CELF2: variants seen among roughly 807,000 people sequenced by gnomAD.
The protein encoded by CELF2 is CUG triplet repeat RNA-binding protein 2.
In CELF2, 8 loss-of-function variants were observed where a neutral mutation model predicts 62.6. That is an observed-to-expected ratio of 0.13 (90% CI 0.07 to 0.23). The LOEUF is 0.23. Among genes scored for constraint, CELF2 ranks in the 10% least tolerant of loss-of-function variants. The pLI, the probability that CELF2 is intolerant of heterozygous loss-of-function variation, is 1.00. For synonymous variants in CELF2, 258 were observed against 250.0 expected (o/e 1.03, Z -0.30); for missense variants, 333 against 671.0 (o/e 0.50, Z 5.56).
the CELF2 span, among the ~76,000 whole-genome samples, chr10:10,761,790 C>T: frequency 6.6e-6 from 1 of 152,126 alleles, no homozygotes; most frequent in African/African-American, 2.4e-5. Context: ...GGTTTTCAAG[C>T]CTTCAGACTT....
intron 2 of CELF2, among the ~76,000 whole-genome samples, chr10:11,168,471 C>A (rs1017393666): frequency 1.3e-5 from 2 of 152,198 alleles, no homozygotes; most frequent in African/African-American, 4.8e-5. Context: ...ATGTTGATAC[C>A]TATGCATGCC....
the CELF2 span, among the ~76,000 whole-genome samples, chr10:10,679,282 TTTC>T: frequency 2.0e-4 from 30 of 152,188 alleles, no homozygotes; most frequent in African/African-American, 7.0e-4. Context: ...ATGGTAATCT[TTTC>T]TTATGTTTTG....
chr10:10,923,975 G>T (rs1473917289), intron 2 of CELF2: 1 of 151,970 alleles, frequency 6.6e-6, no homozygotes, highest in African/African-American at 2.4e-5. Flanking sequence ...TAGGATGAAG[G>T]GTGTTGCGTT....
chr10:10,996,042 AG>A (rs2053913976), intron 2 of CELF2, among the ~76,000 whole-genome samples: 1 of 152,240 alleles, frequency 6.6e-6, no homozygotes, highest in Non-Finnish European at 1.5e-5. Context: ...TTACTAAAAA[AG>A]TTTAAAGTAT....
upstream of CELF2, among the ~76,000 whole-genome samples, chr10:11,002,821 A>C (rs902268728): frequency 1.3e-5 from 2 of 151,982 alleles, no homozygotes; most frequent in Non-Finnish European, 2.9e-5. The surrounding 1 kb of genome is among the most constrained non-coding windows in gnomAD (Gnocchi z 4.4). Context: ...TTTTTTTTTC[A>C]CATAGTTGTT....
intron 2 of CELF2, among the ~76,000 whole-genome samples, chr10:10,967,389 C>G (rs1207787353): frequency 1.3e-5 from 2 of 152,176 alleles, no homozygotes; most frequent in African/African-American, 2.4e-5. Context: ...CTAGGCTTGA[C>G]TGAACACTTT....
At chr10:11,298,449 A>C (rs2140057335) in intron 9 of CELF2, among the ~76,000 whole-genome samples, 1 of 152,362 alleles carries the variant, frequency 6.6e-6, no homozygotes, top group Non-Finnish European at 1.5e-5. Context: ...CTTATATCAC[A>C]TATGGGCCAA....
At chr10:10,984,410 A>G (rs2052504449) in intron 2 of CELF2, among the ~76,000 whole-genome samples, 1 of 152,246 alleles carries the variant, frequency 6.6e-6, no homozygotes, top group Admixed American at 6.5e-5. Flanking sequence ...ATCTACAGTT[A>G]CTAGCTAGAT....
chr10:10,525,072 G>A, the CELF2 span, among the ~76,000 whole-genome samples: 33 of 152,140 alleles, frequency 2.2e-4, no homozygotes, highest in Non-Finnish European at 1.3e-4. Flanking sequence ...ATTTGCATAC[G>A]TTGTGGAATG....
chr10:11,114,524 C>T (rs191552887), intron 1 of CELF2, among the ~76,000 whole-genome samples: 22 of 152,270 alleles, frequency 1.4e-4, no homozygotes, highest in Admixed American at 3.9e-4. Flanking sequence ...CTTACACTCT[C>T]GTCGAGTCAT....
rs1268977714 is a variant in CELF2 at position 11,098,076 on chromosome 10, A to G, written c.75-67410A>G. The G allele has an allele frequency of 6.6e-6, 1 of 152,438 alleles. No homozygotes were observed. Among genetic ancestry groups the G allele is most frequent in the Non-Finnish European group, 1.5e-5 (1 of 68,180 alleles). The allele number at this position is 152,438 out of a possible 1,614,324, so 9.4% of individuals were successfully genotyped here. On this transcript the variant is annotated intron_variant, in intron 1 of 12. Coordinates refer to ENST00000633077, the MANE Select transcript of CELF2 (RefSeq NM_001326342.2). The surrounding 1 kb of genome is among the most constrained non-coding windows in gnomAD (Gnocchi z 4.0). ...GGGCTGTCCCTGGGTACTCACCAGA[A>G]AAGCAAATTCAGGATGATGTGAGAA...
chr10:10,628,771 G>A, the CELF2 span, among the ~76,000 whole-genome samples: 1 of 152,104 alleles, frequency 6.6e-6, no homozygotes, highest in Non-Finnish European at 1.5e-5. Flanking sequence ...CATGGCACAT[G>A]TATACATATG....
chr10:10,590,068 A>G, the CELF2 span, among the ~76,000 whole-genome samples: 1 of 152,132 alleles, frequency 6.6e-6, no homozygotes, highest in Non-Finnish European at 1.5e-5. Flanking sequence ...AGGTGAGGCC[A>G]CTGTCTGGGG....
At position 10,936,513 on chromosome 10, in the gene CELF2, T is replaced by C. The variant is rs931506300; in HGVS notation, c.89+16514T>C. The stretch of plus-strand genomic sequence containing the variant: ...TCATGACCACACTGTGTGGGATCAC[T>C]GGACAAGCTAACATTTTCTTGGGGT... On this transcript the variant is annotated intron_variant, in intron 2 of 13. Coordinates refer to the CELF2 transcript ENST00000636488. This position sits in a 1 kb window ranked among gnomAD's most constrained non-coding sequence, Gnocchi z 4.0. 5 of 152,232 alleles carry C rather than the reference T, an allele frequency of 3.3e-5. No individual in the cohort carries two copies. The highest frequency in any genetic ancestry group is 1.2e-4 in the African/African-American group (5 of 41,450). The allele number at this position is 152,232 out of a possible 1,614,324, so 9.4% of individuals were successfully genotyped here.
chr10:10,581,749 G>A, the CELF2 span, among the ~76,000 whole-genome samples: 1 of 152,162 alleles, frequency 6.6e-6, no homozygotes, highest in Non-Finnish European at 1.5e-5. Context: ...GGTCACATAG[G>A]CCAGGCGCGG....
intron 2 of CELF2, among the ~76,000 whole-genome samples, chr10:11,175,229 C>T (rs1403780531): frequency 6.6e-6 from 1 of 151,940 alleles, no homozygotes; most frequent in East Asian, 1.9e-4. Context: ...GGAGGAGTTC[C>T]AAGGGAGAGC....
At chr10:10,666,706 C>T in the CELF2 span, among the ~76,000 whole-genome samples, 2 of 122,664 alleles carry the variant, frequency 1.6e-5, no homozygotes, top group African/African-American at 6.8e-5. Flanking sequence ...ACTAAAAATA[C>T]AAAAAATTAG....
At chr10:11,113,862 C>T (rs555872113) in intron 1 of CELF2, among the ~76,000 whole-genome samples, 3 of 152,208 alleles carry the variant, frequency 2.0e-5, no homozygotes, top group Non-Finnish European at 2.9e-5. Flanking sequence ...AGGACCATCA[C>T]ATCTTGATTT....
the CELF2 span, among the ~76,000 whole-genome samples, chr10:10,761,956 A>G: frequency 2.2e-5 from 3 of 133,940 alleles, no homozygotes; most frequent in African/African-American, 8.6e-5. Context: ...GTGTGTGTGT[A>G]GACAGATATG....
Sources: allele counts gnomAD v4.1 joint callset (sites outside exome capture counted in the v4.1 genomes callset), GRCh38; gene constraint gnomAD v4.1.1; non-coding constraint Gnocchi (gnomAD v3.1); transcripts MANE v1.5; gene names NCBI Gene and HGNC (gene_info 2026-07-23, HGNC 2026-07-21).